MYO6: variants seen among roughly 807,000 people sequenced by gnomAD.
The protein encoded by MYO6 is unconventional myosin-VI.
In MYO6, 74 loss-of-function variants were observed where a neutral mutation model predicts 178.7. The observed-to-expected ratio is 0.41, with a 90% CI of 0.34 to 0.50. MYO6 has a LOEUF of 0.50. MYO6 is among the 20% of genes least tolerant of loss of function. The pLI, the probability that MYO6 is intolerant of heterozygous loss-of-function variation, is 0.09. For missense variants in MYO6, 1,330 were observed against 1,547.4 expected (o/e 0.86, Z 2.36); for synonymous variants, 477 against 504.6 (o/e 0.95, Z 0.73).
chr6:75,841,624 G>T (rs1774236779), intron 9 of MYO6, among the ~76,000 whole-genome samples: 1 of 152,128 alleles, frequency 6.6e-6, no homozygotes, highest in Admixed American at 6.5e-5. Context: ...AGCCCAGGAG[G>T]TTGAGGCTGC....
chr6:75,822,993 A>G lies in MYO6; in HGVS notation c.187+142A>G. On this transcript the variant is annotated intron_variant, in intron 3 of 34. Coordinates refer to ENST00000369977, the MANE Select transcript of MYO6 (RefSeq NM_004999.4). ...TTTGACATGAATATTCATGTGAATG[A>G]AGGAACTCGAGTCCTCCATGTTGTC... 5.8e-6 allele frequency: 4 copies of G among 684,878 alleles called. No individual in the cohort carries two copies. In the South Asian group the frequency reaches 6.6e-5, roughly 11 times the overall value. 42.4% of individuals were successfully genotyped at this position (684,878 alleles called of 1,614,324 possible).
intron 12 of MYO6, among the ~76,000 whole-genome samples, chr6:75,855,742 T>G (rs1022436342): frequency 1.3e-5 from 2 of 152,156 alleles, no homozygotes; most frequent in African/African-American, 4.8e-5. Context: ...ATTTTAAAAA[T>G]CAGTAACCAA....
intron 25 of MYO6, among the ~76,000 whole-genome samples, chr6:75,887,658 AAAAAG>A (rs1049674237): frequency 2.3e-5 from 3 of 127,910 alleles, no homozygotes; most frequent in African/African-American, 8.2e-5. Flanking sequence ...AAAAAAATGA[AAAAAG>A]AAAACTAAAG....
intron 1 of MYO6, among the ~76,000 whole-genome samples, chr6:75,758,407 A>G (rs1267664056): frequency 6.6e-6 from 1 of 152,042 alleles, no homozygotes; most frequent in African/African-American, 2.4e-5. Context: ...TGGAGAAGAC[A>G]ATGCAGTGTT....
chr6:75,884,158 G>A (rs537682765), intron 23 of MYO6, among the ~76,000 whole-genome samples: 2 of 152,060 alleles, frequency 1.3e-5, no homozygotes, highest in African/African-American at 4.8e-5. Context: ...GTCAGTAACC[G>A]GGCAGGGATC....
At chr6:75,751,801 A>C (rs1402810753) in intron 1 of MYO6, among the ~76,000 whole-genome samples, 7 of 152,186 alleles carry the variant, frequency 4.6e-5, no homozygotes, top group Non-Finnish European at 8.8e-5. Flanking sequence ...AGGCTTGAAC[A>C]AATGCAAACA....
At position 75,867,236 on chromosome 6, in the gene MYO6, A is replaced by C; in HGVS notation, c.1944+131A>C. 4 of 713,400 alleles carry C rather than the reference A, an allele frequency of 5.6e-6. No homozygotes were observed. In the South Asian group the frequency reaches 6.1e-5, roughly 11 times the overall value. 44.2% of individuals were successfully genotyped at this position (713,400 alleles called of 1,614,324 possible). A position where few individuals can be genotyped will look rare whatever the true frequency, so the allele number is the denominator to read the frequency against. ...TTCAAGAGCAGACCCTGCATTGTTG[A>C]TATTTGTATGTAAAATATCATAATG... On this transcript the variant is annotated intron_variant, in intron 18 of 34. Coordinates refer to ENST00000369977, the MANE Select transcript of MYO6 (RefSeq NM_004999.4).
At chr6:75,862,477 G>GAATCACAT in intron 15 of MYO6, 119 bp from the exon 16 acceptor site, 1 of 904,872 alleles carries the variant, frequency 1.1e-6, no homozygotes, top group Non-Finnish European at 1.8e-6. Flanking sequence ...AACACATATA[G>GAATCACAT]AATCACATGC....
chr6:75,860,599 G>A (rs1302990470), intron 14 of MYO6, among the ~76,000 whole-genome samples: 1 of 152,104 alleles, frequency 6.6e-6, no homozygotes, highest in Non-Finnish European at 1.5e-5. Context: ...TCTCATGGGA[G>A]GAAATATTTA....
At position 75,892,633 on chromosome 6, in the gene MYO6, C is replaced by A; in HGVS notation, c.3050C>A (p.Ala1017Asp). The A allele has an allele frequency of 6.2e-7, 1 of 1,613,142 alleles. No homozygotes were observed. Among genetic ancestry groups the A allele is most frequent in the South Asian group, 1.1e-5 (1 of 91,028 alleles). The change falls in exon 28 of 35, where the codon GCC (alanine) becomes GAC (aspartate). Residue 1017 changes from alanine (A) to aspartate (D), a missense_variant. Transcript: ENST00000369977. ...RRDRELALRI[A>D]QSEAELISDE... ...GACCGGGAGCTGGCCCTGAGGATTG[C>A]CCAGAGTGAAGCCGAGCTCATCAGT... is the stretch of plus-strand genomic sequence containing the variant.
intron 1 of MYO6, among the ~76,000 whole-genome samples, chr6:75,800,761 CCCAGGCTGGAGTGCAGT>C (rs1399382295): frequency 6.6e-6 from 1 of 152,064 alleles, no homozygotes; most frequent in Admixed American, 6.6e-5. Context: ...CACTCCATTA[CCCAGGCTGGAGTGCAGT>C]GGCACAATCT....
chr6:75,913,010 G>A (rs1438993712), intron 33 of MYO6, among the ~76,000 whole-genome samples: 1 of 152,074 alleles, frequency 6.6e-6, no homozygotes, highest in Non-Finnish European at 1.5e-5. Flanking sequence ...TTCAGTATTT[G>A]CAAATTCTTA....
chr6:75,901,309 G>A (rs2149395497), intron 30 of MYO6, among the ~76,000 whole-genome samples: 1 of 152,222 alleles, frequency 6.6e-6, no homozygotes, highest in South Asian at 2.1e-4. Flanking sequence ...CATTGAATCT[G>A]TAAATTACCT....
chr6:75,765,676 A>G (rs755322810), intron 1 of MYO6, among the ~76,000 whole-genome samples: 1 of 152,000 alleles, frequency 6.6e-6, no homozygotes, highest in Non-Finnish European at 1.5e-5. Context: ...TGAACTCAGG[A>G]GTTTGAGGCT....
chr6:75,863,472 C>T (rs954228111), intron 16 of MYO6, among the ~76,000 whole-genome samples: 14 of 151,820 alleles, frequency 9.2e-5, no homozygotes, highest in Non-Finnish European at 2.1e-4. Context: ...GGCCAGAAGA[C>T]CTGGTTTCTG....
chr6:75,878,492 G>A (rs551638087), intron 20 of MYO6, among the ~76,000 whole-genome samples: 1 of 152,248 alleles, frequency 6.6e-6, no homozygotes, highest in South Asian at 2.1e-4. Context: ...GCATCTGTGT[G>A]TTTTCCTACA....
intron 1 of MYO6, among the ~76,000 whole-genome samples, chr6:75,753,839 A>G (rs772171091): frequency 6.6e-6 from 1 of 152,180 alleles, no homozygotes; most frequent in African/African-American, 2.4e-5. Flanking sequence ...ATTTGAGTGG[A>G]CTAGAATCTT....
intron 20 of MYO6, among the ~76,000 whole-genome samples, chr6:75,878,230 A>G (rs1053649322): frequency 6.9e-6 from 1 of 144,858 alleles, no homozygotes; most frequent in Non-Finnish European, 1.6e-5. Context: ...TGCTGGTTAG[A>G]TTAAGCTCTG....
In MYO6 at chr6:75,915,087, C is replaced by A; in HGVS notation, c.*75C>A. On this transcript the variant is annotated 3_prime_UTR_variant, in exon 35 of 35. Coordinates refer to ENST00000369977, the MANE Select transcript of MYO6 (RefSeq NM_004999.4). ...TAGGGTGTGTGCCCCCAGATTTAAC[C>A]ATTCCATAATCATGTTAGAGTTACT... The A allele has an allele frequency of 1.5e-6, 2 of 1,326,204 alleles. No homozygotes were observed. The highest frequency in any genetic ancestry group is 1.3e-5 in the South Asian group (1 of 79,942). The allele number at this position is 1,326,204 out of a possible 1,614,324, so 82.2% of individuals were successfully genotyped here.
Sources: allele counts gnomAD v4.1 joint callset (sites outside exome capture counted in the v4.1 genomes callset), GRCh38; gene constraint gnomAD v4.1.1; transcripts MANE v1.5; gene names NCBI Gene and HGNC (gene_info 2026-07-23, HGNC 2026-07-21).